NEBL: variants seen among roughly 807,000 people sequenced by gnomAD.
The protein encoded by NEBL is LIM and SH3 protein 2.
A neutral mutation model predicts 140.2 loss-of-function variants in NEBL; 122 were observed. The ratio of observed to expected loss-of-function variants is 0.87; its 90% CI spans 0.75 to 1.01. The LOEUF (loss-of-function observed/expected upper bound fraction) is 1.01, where lower values mean the gene tolerates loss of function less well. NEBL is among the 50% of genes least tolerant of loss of function. The pLI is 0.00. For missense variants in NEBL, 1,365 were observed against 1,231.3 expected (o/e 1.11, Z -1.62); for synonymous variants, 436 against 398.9 (o/e 1.09, Z -1.11).
intron 3 of NEBL, among the ~76,000 whole-genome samples, chr10:21,207,518 C>T (rs1162549837): frequency 6.6e-6 from 1 of 152,170 alleles, no homozygotes; most frequent in African/African-American, 2.4e-5. Context: ...ACTGTGCACA[C>T]ACACACAGCC....
At chr10:21,023,440 T>C (rs1341807568) in intron 2 of NEBL, among the ~76,000 whole-genome samples, 3 of 152,190 alleles carry the variant, frequency 2.0e-5, no homozygotes, top group Non-Finnish European at 4.4e-5. Context: ...ACCCCTGTAA[T>C]GCCAGCACTT....
intron 11 of NEBL, among the ~76,000 whole-genome samples, chr10:20,847,347 G>A (rs568375332): frequency 7.7e-4 from 117 of 152,288 alleles, no homozygotes; most frequent in African/African-American, 2.3e-3. Context: ...GGGAATATAT[G>A]TCAGGGAAAA....
intron 2 of NEBL, among the ~76,000 whole-genome samples, chr10:21,098,223 C>T (rs531944555): frequency 6.7e-6 from 1 of 148,468 alleles, no homozygotes; most frequent in African/African-American, 2.4e-5. Context: ...TTCTCACTCA[C>T]ACGTGCACAC....
chr10:20,917,203 G>T (rs1164421470), intron 4 of NEBL, among the ~76,000 whole-genome samples: 1 of 152,108 alleles, frequency 6.6e-6, no homozygotes, highest in Non-Finnish European at 1.5e-5. Flanking sequence ...CTACCATTTT[G>T]TCCTCACCCA....
chr10:21,017,470 G>A (rs187875270), intron 3 of NEBL, among the ~76,000 whole-genome samples: 6 of 152,064 alleles, frequency 3.9e-5, no homozygotes, highest in South Asian at 2.1e-4. Flanking sequence ...CAGATCTTTG[G>A]ACATCTCGCC....
intron 4 of NEBL, among the ~76,000 whole-genome samples, chr10:20,920,692 G>A (rs767006605): frequency 2.0e-5 from 3 of 151,980 alleles, no homozygotes; most frequent in Non-Finnish European, 4.4e-5. Flanking sequence ...GGAAGAAATG[G>A]GGAAAAAAGT....
At chr10:21,120,912 G>A (rs1838542532) in intron 2 of NEBL, among the ~76,000 whole-genome samples, 1 of 152,036 alleles carries the variant, frequency 6.6e-6, no homozygotes, top group Non-Finnish European at 1.5e-5. Context: ...TGTAAGCTGT[G>A]GATGTTTACC....
At chr10:20,822,443 G>A (rs1265028614) in intron 19 of NEBL, among the ~76,000 whole-genome samples, 3 of 150,998 alleles carry the variant, frequency 2.0e-5, no homozygotes, top group East Asian at 1.9e-4. Context: ...TCAGAAATAG[G>A]TATAGATAAA....
intron 2 of NEBL, among the ~76,000 whole-genome samples, chr10:21,164,221 A>C (rs1218943295): frequency 6.6e-6 from 1 of 152,236 alleles, no homozygotes; most frequent in African/African-American, 2.4e-5. Flanking sequence ...CTAAAAGCCA[A>C]GGTCTTCCTA....
rs1350917233 is a variant in NEBL at position 20,784,270 on chromosome 10, ACACAGGGTTGCCGACGGGT to A, written c.*1458_*1476del. On this transcript the variant is annotated 3_prime_UTR_variant, in exon 28 of 28. Transcript: ENST00000377122. ...CACAGTAAACGGCACAATCAGAAAA[ACACAGGGTTGCCGACGGGT>A]GCCGCTGGCTTGGTGACCTGGACTG... is the stretch of plus-strand genomic sequence containing the variant. The A allele has an allele frequency of 2.0e-5, 3 of 152,096 alleles. No individual in the cohort carries two copies. Among genetic ancestry groups the A allele is most frequent in the Non-Finnish European group, 4.4e-5 (3 of 68,032 alleles). 9.4% of individuals were successfully genotyped at this position (152,096 alleles called of 1,614,324 possible). A position where few individuals can be genotyped will look rare whatever the true frequency, so the allele number is the denominator to read the frequency against.
At chr10:20,956,063 A>G (rs1466545520) in intron 4 of NEBL, among the ~76,000 whole-genome samples, 1 of 152,162 alleles carries the variant, frequency 6.6e-6, no homozygotes, top group African/African-American at 2.4e-5. Context: ...TCTTTAAGTG[A>G]CTGTGGCTGA....
At chr10:21,023,626 C>T (rs937054324) in intron 2 of NEBL, among the ~76,000 whole-genome samples, 13 of 152,012 alleles carry the variant, frequency 8.6e-5, no homozygotes, top group East Asian at 1.9e-4. Flanking sequence ...ACCCAGGAGG[C>T]GGAGGTTGCA....
rs770440701 is a variant in NEBL at position 20,857,335 on chromosome 10, T to G, written c.903+905A>C. On this transcript the variant is annotated intron_variant, in intron 9 of 27. Transcript: ENST00000377122. ...CTGTCTGGAAACTAAGTTTTGCCTA[T>G]AGATTTCTAAGTCTAGGCCCATCAA... Among the ~76,000 whole-genome samples, 80 of 152,160 alleles carry G rather than the reference T, an allele frequency of 5.3e-4. 2 individuals carry two copies. The highest frequency in any genetic ancestry group is 4.7e-4 in the Non-Finnish European group (32 of 68,022).
intron 3 of NEBL, among the ~76,000 whole-genome samples, chr10:21,223,487 T>G (rs973822212): frequency 6.6e-6 from 1 of 152,250 alleles, no homozygotes; most frequent in Non-Finnish European, 1.5e-5. Flanking sequence ...TCTTGGCTAT[T>G]ACAAATAGTG....
rs1841170099 is a variant in NEBL at position 21,173,395 on chromosome 10, G to T, written c.69+370C>A. 7.2e-6 allele frequency among the ~76,000 whole-genome samples: 1 copy of T among 139,472 alleles called. No homozygotes were observed. The highest frequency in any genetic ancestry group is 2.6e-4 in the East Asian group (1 of 3,804). The allele number at this position is 139,472 out of a possible 152,430, so 91.5% of individuals were successfully genotyped here. On this transcript the variant is annotated intron_variant, in intron 1 of 6. Coordinates refer to the NEBL transcript ENST00000417816. The surrounding 1 kb of genome is among the most constrained non-coding windows in gnomAD (Gnocchi z 5.7). ...CGCGGGCGGATCTGTGGGGCGGGGGGCGGGGGTATTGTGGAACACGAGTGG... is the reference window on the plus strand; with the variant it reads ...CGCGGGCGGATCTGTGGGGCGGGGGTCGGGGGTATTGTGGAACACGAGTGG...
intron 2 of NEBL, among the ~76,000 whole-genome samples, chr10:21,022,164 G>A (rs1407542752): frequency 6.6e-6 from 1 of 152,066 alleles, no homozygotes; most frequent in African/African-American, 2.4e-5. Context: ...GTGACCCCAT[G>A]GTCACAAAAG....
chr10:21,292,616 T>A (rs546512674), intron 1 of NEBL, among the ~76,000 whole-genome samples: 1 of 152,326 alleles, frequency 6.6e-6, no homozygotes, highest in Non-Finnish European at 1.5e-5. Flanking sequence ...AAGAAAAACA[T>A]CCCTTGTGCC....
At chr10:21,227,711 T>TTCC (rs1456600511) in intron 3 of NEBL, among the ~76,000 whole-genome samples, 1 of 46,424 alleles carries the variant, frequency 2.2e-5, no homozygotes, top group East Asian at 6.1e-4. Flanking sequence ...CTTCTTCTTC[T>TTCC]TTCTTCTTCT....
At chr10:21,022,771 A>C (rs758365557) in intron 2 of NEBL, among the ~76,000 whole-genome samples, 4 of 152,236 alleles carry the variant, frequency 2.6e-5, no homozygotes, top group Non-Finnish European at 5.9e-5. Context: ...CAAGATGATT[A>C]TGCTTGTATA....
Sources: gnomAD v4.1 joint callset for allele counts (sites outside exome capture counted in the v4.1 genomes callset) on GRCh38, gnomAD v4.1.1 for gene constraint, Gnocchi (gnomAD v3.1) non-coding constraint, MANE v1.5 for transcripts, NCBI Gene and HGNC (gene_info 2026-07-23, HGNC 2026-07-21) for gene names.